CNTNAP2: variants seen among roughly 807,000 people sequenced by gnomAD.
CNTNAP2 encodes contactin-associated protein-like 2.
Under a neutral mutation model 155.2 loss-of-function variants are expected in CNTNAP2, and 98 were observed. That is an observed-to-expected ratio of 0.63 (90% CI 0.54 to 0.75). CNTNAP2 has a LOEUF of 0.75. CNTNAP2 is among the 30% of genes least tolerant of loss of function. CNTNAP2 has a pLI of 0.00. For synonymous variants in CNTNAP2, 651 were observed against 631.2 expected (o/e 1.03, Z -0.47); for missense variants, 1,727 against 1,688.1 (o/e 1.02, Z -0.40).
At chr7:146,356,777 A>G (rs1795004535) in intron 1 of CNTNAP2, among the ~76,000 whole-genome samples, 1 of 152,158 alleles carries the variant, frequency 6.6e-6, no homozygotes, top group African/African-American at 2.4e-5. Context: ...TTTCAGCTTT[A>G]CTAGATCTTG....
At chr7:146,932,201 A>C (rs917443270) in intron 3 of CNTNAP2, among the ~76,000 whole-genome samples, 1 of 152,230 alleles carries the variant, frequency 6.6e-6, no homozygotes, top group East Asian at 1.9e-4. Context: ...AAATATTGGC[A>C]AACTGAATCC....
In CNTNAP2 at chr7:147,511,391, A is replaced by T. The variant is rs80032520; in HGVS notation, c.1777+25350A>T. On this transcript the variant is annotated intron_variant, in intron 11 of 23. Transcript: ENST00000361727. ...ACTATTTAATTCTTCATTTCTTTAA[A>T]CAAGTTTTTTTCTTCCTCAAGCCGA... 1.5e-3 allele frequency among the ~76,000 whole-genome samples: 228 copies of T among 152,108 alleles called. 1 individual carries two copies. Among genetic ancestry groups the T allele is most frequent in the African/African-American group, 5.1e-3 (210 of 41,524 alleles).
At chr7:146,688,455 TG>T (rs1800640996) in intron 1 of CNTNAP2, among the ~76,000 whole-genome samples, 1 of 151,422 alleles carries the variant, frequency 6.6e-6, no homozygotes, top group Non-Finnish European at 1.5e-5. Flanking sequence ...GAGATAGGGG[TG>T]GGGCAGTTTT....
At chr7:146,283,979 A>G (rs1800290328) in intron 1 of CNTNAP2, among the ~76,000 whole-genome samples, 1 of 152,254 alleles carries the variant, frequency 6.6e-6, no homozygotes, top group Admixed American at 6.5e-5. Context: ...TATACTCCCA[A>G]TACAAACTCT....
At chr7:147,194,419 T>C (rs1802742479) in intron 8 of CNTNAP2, among the ~76,000 whole-genome samples, 1 of 152,216 alleles carries the variant, frequency 6.6e-6, no homozygotes, top group South Asian at 2.1e-4. Flanking sequence ...TATAGTAGAA[T>C]GGTCTCTATT....
chr7:147,775,400 T>G (rs1333425807), intron 13 of CNTNAP2, among the ~76,000 whole-genome samples: 1 of 110,912 alleles, frequency 9.0e-6, no homozygotes, highest in Admixed American at 1.3e-4. Context: ...TAAATATATA[T>G]ATTTATATAT....
chr7:146,154,787 G>A (rs1325219351), intron 1 of CNTNAP2, among the ~76,000 whole-genome samples: 4 of 152,158 alleles, frequency 2.6e-5, no homozygotes, highest in African/African-American at 9.7e-5. Context: ...AACCTTTTGG[G>A]CTGTTACTTT....
intron 8 of CNTNAP2, among the ~76,000 whole-genome samples, chr7:147,214,823 A>G (rs1413358423): frequency 6.6e-6 from 1 of 152,058 alleles, no homozygotes; most frequent in African/African-American, 2.4e-5. Flanking sequence ...ACTACTTGAG[A>G]CTGGGTAATT....
chr7:147,451,678 A>C (rs1182631047), intron 10 of CNTNAP2, among the ~76,000 whole-genome samples: 1 of 149,766 alleles, frequency 6.7e-6, no homozygotes, highest in African/African-American at 2.5e-5. Flanking sequence ...GCCTATCCCC[A>C]CCCAACTCCC....
chr7:147,479,890 T>G lies in CNTNAP2; in HGVS notation c.1671-6045T>G, dbSNP rs1018993. Among the ~76,000 whole-genome samples, 3 of 151,556 alleles carry G rather than the reference T, an allele frequency of 2.0e-5. No individual in the cohort carries two copies. The East Asian group carries it at 5.8e-4, about 29-fold the overall frequency. On this transcript the variant is annotated intron_variant, in intron 10 of 23. Transcript: ENST00000361727. ...CTATAATGTTATGTAATAACAACAT[T>G]TTAAATTAGTTACTGGAATTGTGAT...
At chr7:148,022,207 G>A (rs1802291766) in intron 15 of CNTNAP2, among the ~76,000 whole-genome samples, 1 of 151,852 alleles carries the variant, frequency 6.6e-6, no homozygotes, top group African/African-American at 2.4e-5. Flanking sequence ...TGTGGCTCAC[G>A]CCTGTAATCC....
chr7:148,331,724 T>TGGACAGATGGAG (rs1563045945), intron 21 of CNTNAP2, among the ~76,000 whole-genome samples: 609 of 29,622 alleles, frequency 0.021, 47 homozygotes, highest in Non-Finnish European at 0.025. Flanking sequence ...GACGGATGGA[T>TGGACAGATGGAG]TGGATGGATG....
intron 8 of CNTNAP2, among the ~76,000 whole-genome samples, chr7:147,257,832 A>G (rs575549350): frequency 5.9e-5 from 9 of 152,326 alleles, no homozygotes; most frequent in African/African-American, 2.2e-4. Context: ...GGAAAATGTA[A>G]TAGGTTGAGT....
Position 148,267,122 on chromosome 7 carries a change from T to C in CNTNAP2, c.3471T>C (p.Val1157=). 6.2e-7 allele frequency: 1 copy of C among 1,613,400 alleles called. No individual in the cohort carries two copies. Among genetic ancestry groups the C allele is most frequent in the Non-Finnish European group, 8.5e-7 (1 of 1,179,354 alleles). ...NSPKSLFLGK[V]IETGKIDQEI... ...CCAAGTCGCTCTTTCTGGGAAAAGT[T>C]ATAGGTAAGAATGTGGTTCGTTAGG... Residue 1157 remains valine, a synonymous_variant, in exon 21 of 24, where the codon GTT becomes GTC. Transcript: ENST00000361727.
intron 9 of CNTNAP2, among the ~76,000 whole-genome samples, chr7:147,355,909 G>A (rs1472485184): frequency 6.6e-6 from 1 of 152,076 alleles, no homozygotes; most frequent in East Asian, 1.9e-4. Context: ...AATGGAAAAA[G>A]AGAGACTCCT....
At chr7:147,163,120 C>A (rs558427642) in intron 8 of CNTNAP2, among the ~76,000 whole-genome samples, 1 of 152,158 alleles carries the variant, frequency 6.6e-6, no homozygotes, top group East Asian at 1.9e-4. Context: ...ACATCCCAGG[C>A]TGTTATATCT....
At chr7:148,203,910 T>C (rs894081745) in intron 18 of CNTNAP2, among the ~76,000 whole-genome samples, 5 of 152,202 alleles carry the variant, frequency 3.3e-5, no homozygotes, top group Non-Finnish European at 5.9e-5. Flanking sequence ...TGACCACCTC[T>C]TGGACTCGGT....
At chr7:147,568,381 T>G (rs1800217768) in intron 12 of CNTNAP2, among the ~76,000 whole-genome samples, 1 of 152,226 alleles carries the variant, frequency 6.6e-6, no homozygotes, top group Non-Finnish European at 1.5e-5. Flanking sequence ...CTTCTGACTG[T>G]CTGCAGCTCA....
At chr7:148,319,291 C>T (rs530344194) in intron 21 of CNTNAP2, among the ~76,000 whole-genome samples, 9 of 152,214 alleles carry the variant, frequency 5.9e-5, no homozygotes, top group African/African-American at 2.2e-4. Context: ...TTGTGACTAA[C>T]ATCTCATAGA....
Sources: gnomAD v4.1 joint callset for allele counts (sites outside exome capture counted in the v4.1 genomes callset) on GRCh38, gnomAD v4.1.1 for gene constraint, MANE v1.5 for transcripts, NCBI Gene and HGNC (gene_info 2026-07-23, HGNC 2026-07-21) for gene names.